SLAIN2: variants seen among roughly 807,000 people sequenced by gnomAD.
SLAIN2 encodes the protein SLAIN motif-containing protein 2.
SLAIN2 carries 31 observed loss-of-function variants against 56.6 expected under a neutral mutation model. That is an observed-to-expected ratio of 0.55 (90% confidence interval 0.41 to 0.74). The LOEUF (loss-of-function observed/expected upper bound fraction) is 0.74, where lower values mean the gene tolerates loss of function less well. SLAIN2 is among the 30% of genes least tolerant of loss of function. The pLI, the probability that SLAIN2 is intolerant of heterozygous loss-of-function variation, is 0.00. For missense variants in SLAIN2, 777 were observed against 754.2 expected (o/e 1.03, Z -0.35); for synonymous variants, 317 against 284.9 (o/e 1.11, Z -1.13).
At chr4:48,397,947 A>G (rs1716451954) in intron 6 of SLAIN2, among the ~76,000 whole-genome samples, 1 of 152,198 alleles carries the variant, frequency 6.6e-6, no homozygotes, top group African/African-American at 2.4e-5. Flanking sequence ...GCTGTTGTGA[A>G]TAGTGCCGCA....
At chr4:48,421,118 C>T (rs1717136555) in intron 7 of SLAIN2, among the ~76,000 whole-genome samples, 1 of 152,088 alleles carries the variant, frequency 6.6e-6, no homozygotes. Context: ...CAGGCTCAAG[C>T]AATCCTGTCA....
chr4:48,403,533 T>C (rs1024132249), intron 6 of SLAIN2, among the ~76,000 whole-genome samples: 2 of 151,922 alleles, frequency 1.3e-5, no homozygotes, highest in Non-Finnish European at 2.9e-5. Context: ...GTCTGGACCA[T>C]CTGGACTTTC....
At chr4:48,396,497 T>G (rs895565539) in intron 6 of SLAIN2, among the ~76,000 whole-genome samples, 1 of 152,218 alleles carries the variant, frequency 6.6e-6, no homozygotes, top group Admixed American at 6.5e-5. Flanking sequence ...GAATATCTTT[T>G]GGATCCAAGG....
intron 6 of SLAIN2, among the ~76,000 whole-genome samples, chr4:48,398,795 A>G (rs1716474341): frequency 6.6e-6 from 1 of 152,238 alleles, no homozygotes; most frequent in South Asian, 2.1e-4. Flanking sequence ...GTCAAAGATC[A>G]GATGGCTGTA....
Position 48,341,536 on chromosome 4 carries a change from G to T in SLAIN2, c.-204G>T. 2 of 676,040 alleles carry T rather than the reference G, an allele frequency of 3.0e-6. No individual in the cohort carries two copies. The highest frequency in any genetic ancestry group is 3.4e-5 in the South Asian group (1 of 29,686). 41.9% of individuals were successfully genotyped at this position (676,040 alleles called of 1,614,324 possible). A position where few individuals can be genotyped will look rare whatever the true frequency, so the allele number is the denominator to read the frequency against. On this transcript the variant is annotated 5_prime_UTR_variant, in exon 1 of 8. Transcript: ENST00000264313. Reference sequence around the variant, plus strand: ...ATTGGCGCCGCCTCCCCCAATCCCGGAGCCGGCGCAGATGAGGCAGTTCGG... The same window carrying T: ...ATTGGCGCCGCCTCCCCCAATCCCGTAGCCGGCGCAGATGAGGCAGTTCGG...
intron 1 of SLAIN2, among the ~76,000 whole-genome samples, chr4:48,368,267 G>T (rs751786102): frequency 1.2e-4 from 18 of 151,784 alleles, no homozygotes; most frequent in Admixed American, 2.0e-4. Flanking sequence ...AGAGATGTTG[G>T]CCAGGCTGGT....
At position 48,342,711 on chromosome 4, in the gene SLAIN2, CTTTTTT is replaced by C. The variant is rs761272695; in HGVS notation, c.389+602_389+607del. ...GAAGAGAGGGCAGAGGATGGTGCTG[CTTTTTT>C]TTTTTTTTTTTTTTTTTTGTTACTC... On this transcript the variant is annotated intron_variant, in intron 1 of 7. Coordinates refer to ENST00000264313, the MANE Select transcript of SLAIN2 (RefSeq NM_020846.2). Among the ~76,000 whole-genome samples, 15 of 65,948 alleles carry C rather than the reference CTTTTTT, an allele frequency of 2.3e-4. 1 individual carries two copies. In the South Asian group the frequency reaches 2.7e-3, roughly 12 times the overall value. The allele number at this position is 65,948 out of a possible 152,430, so 43.3% of individuals were successfully genotyped here.
chr4:48,408,552 T>A (rs1716764644), intron 6 of SLAIN2, among the ~76,000 whole-genome samples: 2 of 120,746 alleles, frequency 1.7e-5, no homozygotes, highest in Non-Finnish European at 1.9e-5. Flanking sequence ...AAAAAAAAAT[T>A]CAGGTGAAAT....
intron 1 of SLAIN2, among the ~76,000 whole-genome samples, chr4:48,357,928 G>A (rs1460379972): frequency 6.6e-6 from 1 of 152,048 alleles, no homozygotes; most frequent in African/African-American, 2.4e-5. Context: ...TGAACTCCTG[G>A]CCTCAAGTGA....
At chr4:48,389,061 A>G (rs1716167900) in intron 6 of SLAIN2, among the ~76,000 whole-genome samples, 1 of 152,244 alleles carries the variant, frequency 6.6e-6, no homozygotes, top group African/African-American at 2.4e-5. Context: ...AAACACTAGT[A>G]GATTACACTT....
Position 48,424,202 on chromosome 4 carries a change from T to C in SLAIN2, c.*2125T>C, listed in dbSNP as rs1450117535. On this transcript the variant is annotated 3_prime_UTR_variant, in exon 8 of 8. Coordinates refer to ENST00000264313, the MANE Select transcript of SLAIN2 (RefSeq NM_020846.2). The stretch of plus-strand genomic sequence containing the variant: ...AAACATATTTTTGATCTGAGTTTGG[T>C]AAAGTATTATTTTACCTGCTGTTGT... 4 of 152,192 alleles carry C rather than the reference T, an allele frequency of 2.6e-5. No individual in the cohort carries two copies. The highest frequency in any genetic ancestry group is 5.9e-5 in the Non-Finnish European group (4 of 68,006). 9.4% of individuals were successfully genotyped at this position (152,192 alleles called of 1,614,324 possible). A position where few individuals can be genotyped will look rare whatever the true frequency, so the allele number is the denominator to read the frequency against.
chr4:48,343,989 C>A (rs7700018), intron 1 of SLAIN2, among the ~76,000 whole-genome samples: 1 of 151,972 alleles, frequency 6.6e-6, no homozygotes, highest in Admixed American at 6.6e-5. Context: ...ATTAGCTGCA[C>A]CCATCAGCCC....
intron 6 of SLAIN2, among the ~76,000 whole-genome samples, chr4:48,414,165 A>T (rs1161659178): frequency 6.6e-6 from 1 of 152,234 alleles, no homozygotes; most frequent in African/African-American, 2.4e-5. Flanking sequence ...CCTTCACATT[A>T]TGCCTGACTC....
At chr4:48,361,405 A>G (rs914624940) in intron 1 of SLAIN2, among the ~76,000 whole-genome samples, 1 of 152,218 alleles carries the variant, frequency 6.6e-6, no homozygotes, top group African/African-American at 2.4e-5. Context: ...AAATGAAGCT[A>G]AAGAAGAACT....
At chr4:48,354,430 C>A (rs189603515) in intron 1 of SLAIN2, among the ~76,000 whole-genome samples, 1 of 151,776 alleles carries the variant, frequency 6.6e-6, no homozygotes, top group Non-Finnish European at 1.5e-5. Flanking sequence ...TGATTACTGT[C>A]ACTTGAGAGA....
At chr4:48,342,230 G>A (rs1326061233) in intron 1 of SLAIN2, 102 bp downstream of exon 1, 22 of 1,290,248 alleles carry the variant, frequency 1.7e-5, no homozygotes, top group Non-Finnish European at 2.2e-5. Context: ...TTGTGTAGCC[G>A]GGTCCGCTCT....
chr4:48,370,028 C>G lies in SLAIN2; in HGVS notation c.538+31C>G, dbSNP rs371654608. ...TCTATAATTTTGCTTGTAAATTCAT[C>G]TCTTTGCTTTCTTTAGTCAAAAACC... On this transcript the variant is annotated intron_variant, in intron 2 of 7. Coordinates refer to ENST00000264313, the MANE Select transcript of SLAIN2 (RefSeq NM_020846.2). The G allele has an allele frequency of 3.1e-6, 5 of 1,601,764 alleles. No individual in the cohort carries two copies. The Admixed American group carries it at 5.1e-5, about 16-fold the overall frequency.
At chr4:48,379,655 C>T in intron 3 of SLAIN2, 35 bp from the exon 4 acceptor site, 2 of 1,358,234 alleles carry the variant, frequency 1.5e-6, no homozygotes, top group East Asian at 2.7e-5. Context: ...GTTGCTTTAC[C>T]AGAGTTTGAA....
chr4:48,424,640 T>A lies in SLAIN2; in HGVS notation c.*2563T>A, dbSNP rs1040793511. On this transcript the variant is annotated 3_prime_UTR_variant, in exon 8 of 8. Transcript: ENST00000264313. ...TTTTCTACAAAACTTGTTTGTACAA[T>A]ATAAAACACTCTCTGAAGAGTTGAC... 6.6e-6 allele frequency: 1 copy of A among 152,156 alleles called. No homozygotes were observed. Among genetic ancestry groups the A allele is most frequent in the African/African-American group, 2.4e-5 (1 of 41,450 alleles). The allele number at this position is 152,156 out of a possible 1,614,324, so 9.4% of individuals were successfully genotyped here.
Sources: allele counts gnomAD v4.1 joint callset (sites outside exome capture counted in the v4.1 genomes callset), GRCh38; gene constraint gnomAD v4.1.1; transcripts MANE v1.5; gene names NCBI Gene and HGNC (gene_info 2026-07-23, HGNC 2026-07-21).